Variants in UGT1A9 observed in about 807,000 individuals in gnomAD.
UGT1A9 encodes UDP-glucuronosyltransferase 1A9.
Under a neutral mutation model 45.0 loss-of-function variants are expected in UGT1A9, and 35 were observed. The observed-to-expected ratio is 0.78, with a 90% CI of 0.59 to 1.03. UGT1A9 has a LOEUF of 1.03. Among genes scored for constraint, UGT1A9 ranks in the 50% least tolerant of loss-of-function variants. UGT1A9 has a pLI of 0.00. For missense variants in UGT1A9, 687 were observed against 666.6 expected (o/e 1.03, Z -0.34); for synonymous variants, 278 against 250.6 (o/e 1.11, Z -1.03).
In UGT1A9 at chr2:233,671,954, C is replaced by T. The variant is rs1245308626; in HGVS notation, c.20C>T (p.Thr7Ile). The T allele has an allele frequency of 6.2e-7, 1 of 1,612,680 alleles. No homozygotes were observed. The highest frequency in any genetic ancestry group is 8.5e-7 in the Non-Finnish European group (1 of 1,179,314). MACTGW[T>I]SPLPLCVCLL... ...TCTCTGATGGCTTGCACAGGGTGGACCAGCCCCCTTCCTCTATGTGTGTGT... is the reference window on the plus strand; with the variant it reads ...TCTCTGATGGCTTGCACAGGGTGGATCAGCCCCCTTCCTCTATGTGTGTGT... The change falls in exon 1 of 5, where the codon ACC becomes ATC. Residue 7 changes from threonine to isoleucine, a missense_variant. Thr to Ile is a moderately conservative substitution (Grantham distance 89). Coordinates refer to ENST00000354728, the MANE Select transcript of UGT1A9 (RefSeq NM_021027.3).
rs78297396 is a variant in UGT1A9, at chr2:233,715,433, T to C, written c.855+42644T>C. 9.7e-3 allele frequency among the ~76,000 whole-genome samples: 1,478 copies of C among 152,296 alleles called. 34 individuals carry two copies. Among genetic ancestry groups the C allele is most frequent in the African/African-American group, 0.033 (1,382 of 41,550 alleles). The stretch of plus-strand genomic sequence containing the variant: ...AATACATTTTATCTGATATCAGTAA[T>C]GTGACTCCTATGTTATTTTTTGAAT... On this transcript the variant is annotated intron_variant, in intron 1 of 4. Coordinates refer to ENST00000354728, the MANE Select transcript of UGT1A9 (RefSeq NM_021027.3).
At chr2:233,688,574 C>G (rs978724420) in intron 1 of UGT1A9, among the ~76,000 whole-genome samples, 1 of 152,144 alleles carries the variant, frequency 6.6e-6, no homozygotes, top group Non-Finnish European at 1.5e-5. Context: ...AACATGAGTT[C>G]ATCTTGTTTT....
intron 1 of UGT1A9, among the ~76,000 whole-genome samples, chr2:233,675,709 T>C (rs984826117): frequency 2.0e-5 from 3 of 152,236 alleles, no homozygotes; most frequent in Non-Finnish European, 4.4e-5. Flanking sequence ...TTAGGTTAAA[T>C]AATTTTCACT....
chr2:233,684,988 G>A (rs1391588094), intron 1 of UGT1A9, among the ~76,000 whole-genome samples: 1 of 152,172 alleles, frequency 6.6e-6, no homozygotes. Context: ...GATGCAGTGT[G>A]TGTGTATGTG....
rs1437497782 is a variant in UGT1A9 at position 233,724,378 on chromosome 2, G to T, written c.856-42656G>T. Among the ~76,000 whole-genome samples the T allele has an allele frequency of 2.7e-3, 397 of 146,668 alleles. 3 individuals carry two copies. Among genetic ancestry groups the T allele is most frequent in the African/African-American group, 9.7e-3 (383 of 39,674 alleles). ...CCCTCCCGGACGGGGTGGCTGCCGG[G>T]CGGAGACGCTCCTCACTTCCCAGAT... On this transcript the variant is annotated intron_variant, in intron 1 of 4. Transcript: ENST00000354728.
chr2:233,740,668 G>C (rs1267064015), intron 1 of UGT1A9: 1 of 151,782 alleles, frequency 6.6e-6, no homozygotes, highest in Non-Finnish European at 1.5e-5. Context: ...GAAGGTACAG[G>C]TGTTTCCATG....
At chr2:233,717,439 G>T (rs542098595) in intron 1 of UGT1A9, among the ~76,000 whole-genome samples, 3 of 152,154 alleles carry the variant, frequency 2.0e-5, no homozygotes, top group African/African-American at 7.2e-5. Context: ...TCTGATGGAC[G>T]CATCCATTCA....
chr2:233,715,991 A>G (rs1360718293), intron 1 of UGT1A9, among the ~76,000 whole-genome samples: 1 of 152,166 alleles, frequency 6.6e-6, no homozygotes, highest in Non-Finnish European at 1.5e-5. Context: ...AAAACACAAC[A>G]AAACCCAAAA....
intron 1 of UGT1A9, among the ~76,000 whole-genome samples, chr2:233,675,424 C>T (rs1222577732): frequency 1.3e-5 from 2 of 152,090 alleles, no homozygotes; most frequent in South Asian, 2.1e-4. Flanking sequence ...GAATTAATGA[C>T]TGGTTTTAGG....
intron 1 of UGT1A9, among the ~76,000 whole-genome samples, chr2:233,750,418 A>G (rs1270471550): frequency 3.3e-5 from 5 of 151,986 alleles, no homozygotes; most frequent in East Asian, 1.9e-4. Context: ...GTGGTAGAAA[A>G]GAAAAACCCA....
At chr2:233,688,312 T>C (rs1389138733) in intron 1 of UGT1A9, among the ~76,000 whole-genome samples, 1 of 152,236 alleles carries the variant, frequency 6.6e-6, no homozygotes, top group African/African-American at 2.4e-5. Context: ...CATTCATCAG[T>C]TGGTGGACAT....
intron 1 of UGT1A9, chr2:233,682,846 A>T: frequency 5.8e-6 from 9 of 1,544,208 alleles, no homozygotes; most frequent in Non-Finnish European, 7.8e-6. Flanking sequence ...GGAAATTAAA[A>T]GATTTCTTAC....
At chr2:233,743,654 T>C in intron 1 of UGT1A9, 1 of 1,367,284 alleles carries the variant, frequency 7.3e-7, no homozygotes, top group Non-Finnish European at 9.8e-7. Context: ...GAAGACGTAC[T>C]CGAAGGGGTC....
At chr2:233,691,991 T>C (rs573865002) in intron 1 of UGT1A9, 20 of 152,334 alleles carry the variant, frequency 1.3e-4, no homozygotes, top group Admixed American at 1.2e-3. Flanking sequence ...TAAGTTTATG[T>C]AAAGGAGATG....
intron 1 of UGT1A9, chr2:233,747,471 G>A (rs1218539477): frequency 1.9e-5 from 31 of 1,608,712 alleles, no homozygotes; most frequent in Non-Finnish European, 2.4e-5. Context: ...ATGGACCCAG[G>A]ATGAATTTGA....
intron 1 of UGT1A9, chr2:233,738,921 G>A (rs1476491765): frequency 6.6e-6 from 1 of 152,268 alleles, no homozygotes; most frequent in Non-Finnish European, 1.5e-5. Flanking sequence ...CAGGCCTGGA[G>A]GCCTAGGAAG....
chr2:233,717,412 C>T (rs961485519), intron 1 of UGT1A9, among the ~76,000 whole-genome samples: 22 of 152,222 alleles, frequency 1.4e-4, no homozygotes, highest in African/African-American at 5.3e-4. Context: ...ATATGCCTCC[C>T]TTGAGCTGGG....
At chr2:233,760,122 C>A (rs535497865) in intron 1 of UGT1A9, 1 of 1,292,030 alleles carries the variant, frequency 7.7e-7, no homozygotes, top group East Asian at 2.5e-5. Flanking sequence ...TAATAAAGCT[C>A]CACCTTCTTT....
intron 1 of UGT1A9, among the ~76,000 whole-genome samples, chr2:233,766,497 A>T (rs906652149): frequency 3.9e-5 from 6 of 152,128 alleles, no homozygotes; most frequent in Admixed American, 3.9e-4. Context: ...GTGGCAGGCC[A>T]GGGTGGTTTT....
Sources: allele counts gnomAD v4.1 joint callset (sites outside exome capture counted in the v4.1 genomes callset), GRCh38; gene constraint gnomAD v4.1.1; transcripts MANE v1.5; gene names NCBI Gene and HGNC (gene_info 2026-07-23, HGNC 2026-07-21).